RIN2: variants seen among roughly 807,000 people sequenced by gnomAD.
RIN2 encodes the protein Ras and Rab interactor 2, also known as RAB5 interacting protein 2.
A neutral mutation model predicts 78.0 loss-of-function variants in RIN2; 36 were observed. The observed-to-expected ratio is 0.46, with a 90% CI of 0.35 to 0.61. The LOEUF (loss-of-function observed/expected upper bound fraction) is 0.61. Ranked by LOEUF, RIN2 falls within the 20% of genes least tolerant of loss-of-function variation. RIN2 has a pLI of 0.00. For synonymous variants in RIN2, 466 were observed against 466.8 expected (o/e 1.00, Z 0.02); for missense variants, 1,087 against 1,159.7 (o/e 0.94, Z 0.91).
intron 2 of RIN2, among the ~76,000 whole-genome samples, chr20:19,848,534 C>CAAAAAAAAAAAAAAAAAAAA (rs11352724): frequency 3.8e-5 from 2 of 52,834 alleles, no homozygotes; most frequent in African/African-American, 5.7e-5. Context: ...GACTCCATCT[C>CAAAAAAAAAAAAAAAAAAAA]AAAAAAAAAA....
chr20:19,891,157 C>T (rs1298122648), intron 3 of RIN2, among the ~76,000 whole-genome samples: 1 of 152,152 alleles, frequency 6.6e-6, no homozygotes, highest in African/African-American at 2.4e-5. Context: ...ATTATCAATC[C>T]TAATAGTTAA....
rs928180323 is a variant in RIN2, at chr20:19,996,802, G to GA, written c.2326dup (p.Thr776AsnfsTer41). The GA allele has an allele frequency of 1.2e-6, 2 of 1,608,438 alleles. No homozygotes were observed. Among genetic ancestry groups the GA allele is most frequent in the Non-Finnish European group, 8.5e-7 (1 of 1,177,296 alleles). On this transcript the variant is annotated frameshift_variant, in exon 12 of 13. Coordinates refer to ENST00000255006, the MANE Select transcript of RIN2 (RefSeq NM_018993.4). LOFTEE classifies it high-confidence loss of function. ...ACCCTGAGGCAGTGGCACAAACGGA[G>GA]AACCACCAACCGGACCATCCCCTCT...
chr20:19,886,290 A>G (rs549446297), intron 2 of RIN2, among the ~76,000 whole-genome samples: 54 of 152,338 alleles, frequency 3.5e-4, no homozygotes, highest in Non-Finnish European at 6.5e-4. Context: ...GCGGTCTCAC[A>G]TAGCAGGCAG....
In RIN2 at chr20:19,799,720, AGAG is replaced by A. The variant is rs910067992; in HGVS notation, c.-60_-58del. 1.6e-4 allele frequency: 24 copies of A among 152,186 alleles called. No homozygotes were observed. Among genetic ancestry groups the A allele is most frequent in the Admixed American group, 1.1e-3 (17 of 15,264 alleles). 9.4% of individuals were successfully genotyped at this position (152,186 alleles called of 1,614,324 possible). On this transcript the variant is annotated 5_prime_UTR_variant, in exon 2 of 13. Transcript: ENST00000255006. ...GGAGGTTGGGCTGAACTGCAGTGGGAGAGGAGAAGAGATGCTGGCGTGAAGGGG... is the reference window on the plus strand; with the variant it reads ...GGAGGTTGGGCTGAACTGCAGTGGGAGAGAAGAGATGCTGGCGTGAAGGGG...
intron 3 of RIN2, among the ~76,000 whole-genome samples, chr20:19,926,534 ACCCACCAC>A (rs1262721824): frequency 2.6e-5 from 4 of 151,960 alleles, no homozygotes; most frequent in Non-Finnish European, 4.4e-5. Flanking sequence ...CATGAGAGGT[ACCCACCAC>A]ACCAGGAGGC....
chr20:19,940,020 A>G (rs955484650), intron 4 of RIN2, among the ~76,000 whole-genome samples: 1 of 152,016 alleles, frequency 6.6e-6, no homozygotes, highest in African/African-American at 2.4e-5. Context: ...ACCACCGGCT[A>G]AGTTTTTGTA....
rs751256990 is a variant in RIN2, at chr20:19,974,924, G to C, written c.899G>C (p.Gly300Ala). The C allele has an allele frequency of 1.9e-6, 3 of 1,613,602 alleles. No homozygotes were observed. Among genetic ancestry groups the C allele is most frequent in the Admixed American group, 1.7e-5 (1 of 59,984 alleles). The stretch of plus-strand genomic sequence containing the variant: ...AGCACAAGGACTCCCAACGCGAATG[G>C]CACGGAGCGGACTCGGTCCCCCCCA... ...RPSTRTPNAN[G>A]TERTRSPPPR... The change falls in exon 9 of 13, where the codon GGC becomes GCC. Residue 300 changes from glycine to alanine, a missense_variant. Coordinates refer to ENST00000255006, the MANE Select transcript of RIN2 (RefSeq NM_018993.4).
intron 1 of RIN2, among the ~76,000 whole-genome samples, chr20:19,792,125 G>C (rs1334009077): frequency 3.3e-5 from 5 of 152,140 alleles, no homozygotes. Context: ...ATTCTTCTTT[G>C]TGGACAGAGG....
At chr20:19,987,359 T>C (rs2042653509) in intron 9 of RIN2, among the ~76,000 whole-genome samples, 1 of 152,204 alleles carries the variant, frequency 6.6e-6, no homozygotes, top group Non-Finnish European at 1.5e-5. Context: ...CTTACAACCA[T>C]GAATGTAGCT....
At chr20:19,831,587 T>A (rs148351458) in intron 2 of RIN2, among the ~76,000 whole-genome samples, 1 of 152,214 alleles carries the variant, frequency 6.6e-6, no homozygotes, top group Non-Finnish European at 1.5e-5. Flanking sequence ...TAGACCGAGA[T>A]TGTTTTATGA....
At chr20:19,868,422 G>A (rs890911548) in intron 2 of RIN2, among the ~76,000 whole-genome samples, 6 of 152,176 alleles carry the variant, frequency 3.9e-5, no homozygotes, top group South Asian at 2.1e-4. Context: ...ATTGGACAAC[G>A]TTTTATTTTA....
intron 2 of RIN2, among the ~76,000 whole-genome samples, chr20:19,860,351 T>C (rs373273664): frequency 0.024 from 2,872 of 120,852 alleles, 73 homozygotes; most frequent in African/African-American, 0.091. Flanking sequence ...AGACGGAGTC[T>C]CACTCTGTTG....
At position 19,975,450 on chromosome 20, in the gene RIN2, C is replaced by A. The variant is rs188147644; in HGVS notation, c.1425C>A (p.Pro475=). The part of the protein sequence containing the change: ...EGESDQETMA[P]PIKSKKKRSS... ...AAAGTGACCAAGAGACCATGGCGCC[C>A]CCCATCAAGTCCAAAAAGAAAAGGA... is the stretch of plus-strand genomic sequence containing the variant. Residue 475 remains proline, a synonymous_variant, in exon 9 of 13, where the codon CCC becomes CCA. Transcript: ENST00000255006. This position sits in a 1 kb window ranked among gnomAD's most constrained non-coding sequence, Gnocchi z 4.9. The A allele has an allele frequency of 5.1e-3, 8,161 of 1,614,044 alleles. 38 individuals carry two copies. The highest frequency in any genetic ancestry group is 0.014 in the Middle Eastern group (87 of 6,062).
intron 7 of RIN2, among the ~76,000 whole-genome samples, chr20:19,966,322 G>C (rs903496119): frequency 1.9e-4 from 28 of 143,612 alleles, no homozygotes; most frequent in African/African-American, 6.8e-4. Context: ...GAGGCACTAC[G>C]CACTTTTTTT....
intron 2 of RIN2, among the ~76,000 whole-genome samples, chr20:19,858,626 G>A (rs2037238732): frequency 6.6e-6 from 1 of 152,126 alleles, no homozygotes; most frequent in Non-Finnish European, 1.5e-5. Flanking sequence ...TTCCTTCTAA[G>A]TGCTCAAAAA....
At chr20:19,806,830 C>G (rs994076336) in intron 2 of RIN2, among the ~76,000 whole-genome samples, 1 of 136,958 alleles carries the variant, frequency 7.3e-6, no homozygotes, top group African/African-American at 2.8e-5. Flanking sequence ...TCCAGGAGCT[C>G]GAGGCTACAG....
intron 2 of RIN2, chr20:19,889,188 G>T: frequency 2.0e-6 from 2 of 985,432 alleles, no homozygotes; most frequent in Non-Finnish European, 2.4e-6. Context: ...TCCTTCTTCA[G>T]CTGTCCCTCT....
chr20:19,886,609 CTTCTT>C (rs2038203113), intron 2 of RIN2: 22 of 776,386 alleles, frequency 2.8e-5, no homozygotes, highest in East Asian at 9.0e-5. Flanking sequence ...TCTTCTTCTT[CTTCTT>C]TTTTTTTTTT....
chr20:19,819,177 GA>G (rs1480806213), intron 2 of RIN2, among the ~76,000 whole-genome samples: 2 of 152,234 alleles, frequency 1.3e-5, no homozygotes, highest in African/African-American at 4.8e-5. Flanking sequence ...TTAAACAACA[GA>G]AATGTATGTC....
Sources: gnomAD v4.1 joint callset for allele counts (sites outside exome capture counted in the v4.1 genomes callset) on GRCh38, gnomAD v4.1.1 for gene constraint, Gnocchi (gnomAD v3.1) non-coding constraint, MANE v1.5 for transcripts, NCBI Gene and HGNC (gene_info 2026-07-23, HGNC 2026-07-21) for gene names.